The following RNF141 variants were observed in gnomAD, a reference collection of about 807,000 sequenced individuals.
RNF141 encodes ring finger protein 141, also known as C3HC4-like zinc finger protein.
In RNF141, 18 loss-of-function variants were observed where a neutral mutation model predicts 27.4. The observed-to-expected ratio is 0.66, with a 90% CI of 0.45 to 0.97. The LOEUF (loss-of-function observed/expected upper bound fraction) is 0.97. Among genes scored for constraint, RNF141 ranks in the 50% least tolerant of loss-of-function variants. RNF141 has a pLI of 0.00. For missense variants in RNF141, 230 were observed against 279.4 expected (o/e 0.82, Z 1.26); for synonymous variants, 97 against 96.6 (o/e 1.00, Z -0.02).
chr11:10,515,224 T>C (rs1849834207), intron 5 of RNF141, 158 bp from the exon 6 acceptor site: 5 of 808,164 alleles, frequency 6.2e-6, no homozygotes, highest in Non-Finnish European at 5.6e-6. Context: ...TTCAATTCTC[T>C]TTCCCAGGGG....
chr11:10,526,479 T>C (rs1849936378), intron 3 of RNF141, among the ~76,000 whole-genome samples: 2 of 152,190 alleles, frequency 1.3e-5, no homozygotes, highest in African/African-American at 4.8e-5. Context: ...AAAAAAATAC[T>C]GAGACTCAAG....
intron 5 of RNF141, chr11:10,518,220 TG>T (rs1358509323): frequency 2.0e-5 from 3 of 152,184 alleles, no homozygotes; most frequent in Admixed American, 2.0e-4. Context: ...ACATACCATA[TG>T]ATCTAGCCAT....
chr11:10,530,021 T>C (rs1849971918), intron 3 of RNF141, among the ~76,000 whole-genome samples: 1 of 152,178 alleles, frequency 6.6e-6, no homozygotes, highest in Non-Finnish European at 1.5e-5. Flanking sequence ...TATATGCATA[T>C]GGATGATTTT....
intron 5 of RNF141, chr11:10,517,655 GAC>G (rs1284628975): frequency 6.6e-6 from 1 of 152,118 alleles, no homozygotes; most frequent in East Asian, 1.9e-4. Flanking sequence ...AAAAAAGGAT[GAC>G]AGAGTTCTCA....
At chr11:10,519,977 TAAAA>T (rs1849874980) in intron 4 of RNF141, among the ~76,000 whole-genome samples, 2 of 152,098 alleles carry the variant, frequency 1.3e-5, no homozygotes, top group Non-Finnish European at 2.9e-5. Flanking sequence ...TCTGATGAGC[TAAAA>T]AAATTGCAAA....
rs55785645 is a variant in RNF141, at chr11:10,527,645, C to CGG, written c.253-2274_253-2273dup. Among the ~76,000 whole-genome samples the CGG allele has an allele frequency of 1.9e-3, 292 of 150,954 alleles. 1 individual carries two copies. The highest frequency in any genetic ancestry group is 6.5e-3 in the African/African-American group (266 of 41,050). On this transcript the variant is annotated intron_variant, in intron 3 of 5. Transcript: ENST00000265981. ...TTGATTCCAAGTGCATGAGAAGTCA[C>CGG]GGGGGGGGGTTTTGAGCCAAGGAGT...
intron 3 of RNF141, among the ~76,000 whole-genome samples, chr11:10,525,917 C>T (rs778290141): frequency 1.3e-5 from 2 of 152,100 alleles, no homozygotes; most frequent in East Asian, 1.9e-4. Flanking sequence ...TCAAAAAACT[C>T]GTTTAATATG....
chr11:10,518,833 G>C, intron 5 of RNF141: 1 of 453,074 alleles, frequency 2.2e-6, no homozygotes. Flanking sequence ...CAAAACTAAG[G>C]TACACCCCCA....
At chr11:10,528,382 T>C (rs1400003270) in intron 3 of RNF141, among the ~76,000 whole-genome samples, 1 of 152,120 alleles carries the variant, frequency 6.6e-6, no homozygotes, top group East Asian at 1.9e-4. Flanking sequence ...AAAAATCACA[T>C]GAAAAAATAT....
At chr11:10,520,696 C>T (rs553427843) in intron 4 of RNF141, among the ~76,000 whole-genome samples, 4 of 152,262 alleles carry the variant, frequency 2.6e-5, no homozygotes, top group African/African-American at 9.6e-5. Flanking sequence ...AAGTGCTATA[C>T]TTTTATACTA....
At chr11:10,528,950 A>G (rs1446866939) in intron 3 of RNF141, among the ~76,000 whole-genome samples, 2 of 152,230 alleles carry the variant, frequency 1.3e-5, no homozygotes, top group Admixed American at 1.3e-4. Context: ...GGAATCTGGA[A>G]GAGACAAGAG....
At chr11:10,538,407 C>G (rs568778561) in intron 1 of RNF141, among the ~76,000 whole-genome samples, 1 of 152,324 alleles carries the variant, frequency 6.6e-6, no homozygotes, top group South Asian at 2.1e-4. Context: ...ACTCTGTGAT[C>G]TGCATACAAT....
chr11:10,515,378 T>G (rs759560807), intron 5 of RNF141: 18 of 230,630 alleles, frequency 7.8e-5, no homozygotes, highest in Non-Finnish European at 1.5e-4. Flanking sequence ...TATCAGCACC[T>G]GTTAGAGCTG....
At chr11:10,524,247 C>G (rs1268113031) in intron 4 of RNF141, among the ~76,000 whole-genome samples, 1 of 152,096 alleles carries the variant, frequency 6.6e-6, no homozygotes, top group African/African-American at 2.4e-5. Flanking sequence ...AACCCCGTCT[C>G]TACTAAAAAT....
chr11:10,517,367 C>G (rs1591495977), intron 5 of RNF141: 1 of 151,832 alleles, frequency 6.6e-6, no homozygotes, highest in South Asian at 2.1e-4. Flanking sequence ...AAAATAGCAC[C>G]AGTGAGCTGT....
chr11:10,538,302 C>T (rs548982484), intron 1 of RNF141, among the ~76,000 whole-genome samples: 9 of 152,254 alleles, frequency 5.9e-5, no homozygotes, highest in East Asian at 3.9e-4. Context: ...AACCTGGTTC[C>T]AGAAAGAGGG....
intron 5 of RNF141, chr11:10,517,206 TC>T (rs1849849802): frequency 6.6e-6 from 1 of 151,910 alleles, no homozygotes; most frequent in African/African-American, 2.4e-5. Context: ...AAATCAAACT[TC>T]TAGAAATGAA....
rs1850000082 is a variant in RNF141, at chr11:10,532,769, G to C, written c.143+1247C>G. Reference sequence around the variant, plus strand: ...ACCATGGTTGTAATGCCTACGGAGTGGGTTCATATATCTTACCTTAAACTA... The same window carrying C: ...ACCATGGTTGTAATGCCTACGGAGTCGGTTCATATATCTTACCTTAAACTA... On this transcript the variant is annotated intron_variant, in intron 2 of 5. Transcript: ENST00000265981. Among the ~76,000 whole-genome samples the C allele has an allele frequency of 2.0e-5, 3 of 152,024 alleles. No homozygotes were observed. The South Asian group carries it at 6.2e-4, about 32-fold the overall frequency.
In RNF141 at chr11:10,540,494, T is replaced by C. The variant is rs1266773909; in HGVS notation, c.-48+628A>G. 7.9e-5 allele frequency among the ~76,000 whole-genome samples: 12 copies of C among 152,294 alleles called. No homozygotes were observed. In the East Asian group the frequency reaches 1.5e-3, roughly 20 times the overall value. The stretch of plus-strand genomic sequence containing the variant: ...TGCTGTGTAATCACTACCTTCTTAT[T>C]ATTAGCAAGAAAACGTTCTTTTCTT... On this transcript the variant is annotated intron_variant, in intron 1 of 5. Coordinates refer to ENST00000265981, the MANE Select transcript of RNF141 (RefSeq NM_016422.4).
Sources: allele counts gnomAD v4.1 joint callset (sites outside exome capture counted in the v4.1 genomes callset), GRCh38; gene constraint gnomAD v4.1.1; transcripts MANE v1.5; gene names NCBI Gene and HGNC (gene_info 2026-07-23, HGNC 2026-07-21).